The following IGF2R variants were observed in gnomAD, a reference collection of about 807,000 sequenced individuals.
IGF2R encodes insulin like growth factor 2 receptor.
A neutral mutation model predicts 270.6 loss-of-function variants in IGF2R; 91 were observed. The observed-to-expected ratio is 0.34, with a 90% CI of 0.28 to 0.40. The LOEUF (loss-of-function observed/expected upper bound fraction) is 0.40, where lower values mean the gene tolerates loss of function less well. IGF2R is among the 10% of genes least tolerant of loss of function. The pLI, the probability that IGF2R is intolerant of heterozygous loss-of-function variation, is 1.00. For missense variants in IGF2R, 2,805 were observed against 3,188.3 expected (o/e 0.88, Z 2.90); for synonymous variants, 1,316 against 1,258.9 (o/e 1.05, Z -0.96).
intron 43 of IGF2R, among the ~76,000 whole-genome samples, chr6:160,089,469 A>G (rs1779170535): frequency 6.6e-6 from 1 of 152,262 alleles, no homozygotes; most frequent in Non-Finnish European, 1.5e-5. Context: ...GAGTGTAAAA[A>G]TAAATCCCCC....
rs190626038 is a variant in IGF2R, at chr6:160,081,975, T to C, written c.5833+1700T>C. ...ATCATCACAGGGTCCTGAGGCGACA[T>C]ACATCCTCAGCTTACGAAGATGATG... is the stretch of plus-strand genomic sequence containing the variant. On this transcript the variant is annotated intron_variant, in intron 39 of 47. Transcript: ENST00000356956. Among the ~76,000 whole-genome samples the C allele has an allele frequency of 3.3e-3, 506 of 152,324 alleles. 4 individuals carry two copies. The highest frequency in any genetic ancestry group is 0.014 in the Middle Eastern group (4 of 294).
intron 19 of IGF2R, among the ~76,000 whole-genome samples, chr6:160,053,449 A>G (rs959507507): frequency 1.3e-5 from 2 of 152,164 alleles, no homozygotes; most frequent in African/African-American, 4.8e-5. Flanking sequence ...AATAAAATGA[A>G]TTAAGGCTAG....
At chr6:160,087,090 C>G (rs571177034) in intron 41 of IGF2R, among the ~76,000 whole-genome samples, 3 of 152,200 alleles carry the variant, frequency 2.0e-5, no homozygotes, top group African/African-American at 7.2e-5. Context: ...AGCATGTACT[C>G]ACTTTTCTCT....
rs370156844 is a variant in IGF2R, at chr6:160,050,590, A to G, written c.2632A>G (p.Ser878Gly). The G allele has an allele frequency of 1.1e-4, 183 of 1,613,968 alleles. 1 individual carries two copies. Among genetic ancestry groups the G allele is most frequent in the Middle Eastern group, 1.6e-4 (1 of 6,084 alleles). Residue 878 changes from serine to glycine, a missense_variant, in exon 19 of 48, where the codon AGC becomes GGC. This residue lies in a region of IGF2R where 1,851 missense variants were observed against 2,207.2 expected (regional missense o/e 0.84). Coordinates refer to ENST00000356956, the MANE Select transcript of IGF2R (RefSeq NM_000876.4). The surrounding 1 kb of genome is among the most constrained non-coding windows in gnomAD (Gnocchi z 4.0). ...CGTGAATGGGTCGGCCTGCACCACC[A>G]GCGATGGCAGACAGACCACATATAC... ...EYVNGSACTT[S>G]DGRQTTYTTR... is the part of the protein sequence containing the mutation.
At chr6:160,028,012 A>T (rs1052504651) in intron 6 of IGF2R, among the ~76,000 whole-genome samples, 2 of 152,140 alleles carry the variant, frequency 1.3e-5, no homozygotes, top group African/African-American at 4.8e-5. Flanking sequence ...AAAAAACTTG[A>T]GCGTAACCTG....
chr6:160,085,110 A>G lies in IGF2R; in HGVS notation c.6184A>G (p.Thr2062Ala). The change falls in exon 41 of 48, where the codon ACG (threonine) becomes GCG (alanine). Residue 2062 changes from threonine to alanine, a missense_variant. By Grantham distance (58) the Thr-to-Ala change is moderately conservative (BLOSUM62 0). Coordinates refer to ENST00000356956, the MANE Select transcript of IGF2R (RefSeq NM_000876.4). ...CGTCCAGGTCCTGGGACTCGTTCAC[A>G]CGCAGAAGCTGGGTGTCATAGGTAA... ...GDVQVLGLVH[T>A]QKLGVIGDKV... The G allele has an allele frequency of 6.2e-7, 1 of 1,613,726 alleles. No individual in the cohort carries two copies. The highest frequency in any genetic ancestry group is 8.5e-7 in the Non-Finnish European group (1 of 1,179,902).
rs763580000 is a variant in IGF2R at position 160,089,164 on chromosome 6, C to A, written c.6378C>A (p.Ala2126=). The change falls in exon 43 of 48, where the codon GCC becomes GCA. Residue 2126 remains alanine, a synonymous_variant. Coordinates refer to ENST00000356956, the MANE Select transcript of IGF2R (RefSeq NM_000876.4). ...GCTGGGACTCCCGGGCTGCCTGCGC[C>A]GTGAAGCCTCAGGAGGTGCAGATGG... The part of the protein sequence containing the change: ...YFSWDSRAAC[A]VKPQEVQMVN... The A allele has an allele frequency of 1.9e-6, 3 of 1,613,970 alleles. No individual in the cohort carries two copies. Among genetic ancestry groups the A allele is most frequent in the African/African-American group, 1.3e-5 (1 of 74,924 alleles).
intron 37 of IGF2R, among the ~76,000 whole-genome samples, chr6:160,078,924 G>T (rs575316262): frequency 6.6e-6 from 1 of 152,134 alleles, no homozygotes; most frequent in African/African-American, 2.4e-5. Flanking sequence ...ATGTGGTGTC[G>T]TGGTCACTGG....
At position 160,064,455 on chromosome 6, in the gene IGF2R, C is replaced by CGGGG; in HGVS notation, c.3946_3949dup (p.Asp1317GlyfsTer6). ...AATGGCTTGTTAAAAATGAACTTCA[C>CGGGG]GGGGGGGGACACTTGCCATAAGGTT... On this transcript the variant is annotated frameshift_variant, in exon 28 of 48. Coordinates refer to ENST00000356956, the MANE Select transcript of IGF2R (RefSeq NM_000876.4). LOFTEE classifies it high-confidence loss of function. 6.2e-7 allele frequency: 1 copy of CGGGG among 1,612,028 alleles called. No homozygotes were observed. The highest frequency in any genetic ancestry group is 1.3e-5 in the African/African-American group (1 of 74,772).
intron 2 of IGF2R, among the ~76,000 whole-genome samples, chr6:159,991,761 G>T (rs1032266468): frequency 6.6e-6 from 1 of 152,136 alleles, no homozygotes; most frequent in Non-Finnish European, 1.5e-5. Context: ...TGTCAAAGAT[G>T]GTCACTGGAG....
At chr6:160,078,158 T>A (rs1352670172) in intron 36 of IGF2R, 43 bp from the exon 37 acceptor site, 1 of 1,605,254 alleles carries the variant, frequency 6.2e-7, no homozygotes. Context: ...TATCTATCCC[T>A]ATGCCATGGG....
intron 1 of IGF2R, among the ~76,000 whole-genome samples, chr6:159,977,904 G>C (rs1783719067): frequency 6.6e-6 from 1 of 152,008 alleles, no homozygotes; most frequent in Admixed American, 6.5e-5. Flanking sequence ...CCGTGTTGTA[G>C]GCTAGGCGTG....
intron 20 of IGF2R, among the ~76,000 whole-genome samples, chr6:160,057,043 A>G (rs1409923968): frequency 2.0e-5 from 3 of 151,930 alleles, no homozygotes; most frequent in Non-Finnish European, 4.4e-5. Context: ...GATCCTGTCT[A>G]TAGGGTGAGG....
At chr6:159,975,085 T>G (rs1783667711) in intron 1 of IGF2R, among the ~76,000 whole-genome samples, 2 of 152,106 alleles carry the variant, frequency 1.3e-5, no homozygotes, top group South Asian at 4.1e-4. Flanking sequence ...CTGGAGATAG[T>G]GTCAGATGCC....
intron 1 of IGF2R, among the ~76,000 whole-genome samples, chr6:159,971,515 A>G (rs374671345): frequency 9.2e-5 from 14 of 152,214 alleles, no homozygotes; most frequent in South Asian, 8.3e-4. Context: ...AAATCTGCCA[A>G]TCATTTCAGA....
rs545061914 is a variant in IGF2R at position 160,078,305 on chromosome 6, A to G, written c.5421A>G (p.Thr1807=). ...TGAGGATGGATGGCTGTACCCTGAC[A>G]GATGAGCAGCTCCTCTACAGCTTCA... is the stretch of plus-strand genomic sequence containing the variant. ...DEVRMDGCTL[T]DEQLLYSFNL... Residue 1807 remains threonine, a synonymous_variant, in exon 37 of 48, where the codon ACA becomes ACG. Coordinates refer to ENST00000356956, the MANE Select transcript of IGF2R (RefSeq NM_000876.4). The G allele has an allele frequency of 2.2e-5, 35 of 1,614,106 alleles. No homozygotes were observed. Among genetic ancestry groups the G allele is most frequent in the Admixed American group, 1.0e-4 (6 of 60,012 alleles).
intron 45 of IGF2R, among the ~76,000 whole-genome samples, chr6:160,101,330 G>A (rs564486794): frequency 1.3e-5 from 2 of 152,198 alleles, no homozygotes; most frequent in Admixed American, 1.3e-4. Flanking sequence ...GCTTCTGGGT[G>A]AGTGGGTTTC....
At chr6:160,017,424 A>G (rs371031078) in intron 4 of IGF2R, among the ~76,000 whole-genome samples, 7 of 152,212 alleles carry the variant, frequency 4.6e-5, no homozygotes, top group African/African-American at 1.4e-4. Flanking sequence ...AACAAACAAA[A>G]TCTGGAAAAT....
intron 4 of IGF2R, among the ~76,000 whole-genome samples, chr6:160,017,433 A>ATG (rs764291571): frequency 1.3e-5 from 2 of 152,208 alleles, no homozygotes; most frequent in African/African-American, 2.4e-5. Flanking sequence ...AATCTGGAAA[A>ATG]TGTATTTGAG....
Sources: allele counts gnomAD v4.1 joint callset (sites outside exome capture counted in the v4.1 genomes callset), GRCh38; gene constraint gnomAD v4.1.1; regional missense constraint gnomAD v4.1.1; non-coding constraint Gnocchi (gnomAD v3.1); transcripts MANE v1.5; gene names NCBI Gene and HGNC (gene_info 2026-07-23, HGNC 2026-07-21).